Variants in PSMD1 observed in about 807,000 individuals in gnomAD.
PSMD1 encodes 26S proteasome non-ATPase regulatory subunit 1.
A neutral mutation model predicts 119.0 loss-of-function variants in PSMD1; 18 were observed. The observed-to-expected ratio is 0.15, with a 90% confidence interval of 0.10 to 0.22. The LOEUF (loss-of-function observed/expected upper bound fraction) is 0.22. Ranked by LOEUF, PSMD1 falls within the 10% of genes least tolerant of loss-of-function variation. PSMD1 has a pLI of 1.00. For missense variants in PSMD1, 702 were observed against 1,158.5 expected (o/e 0.61, Z 5.72); for synonymous variants, 374 against 396.6 (o/e 0.94, Z 0.68).
chr2:231,082,938 G>A lies in PSMD1; in HGVS notation c.1469G>A (p.Arg490His), dbSNP rs749311886. 1.1e-5 allele frequency: 17 copies of A among 1,613,998 alleles called. No homozygotes were observed. The highest frequency in any genetic ancestry group is 5.3e-5 in the African/African-American group (4 of 74,944). ...GGTTTGGCAGCCATGGGAACTGCAC[G>A]TCAAGATGTTTATGATTTGCTAAAA... Reference protein sequence around the residue: ...GLGLAAMGTARQDVYDLLKTN... With the variant: ...GLGLAAMGTAHQDVYDLLKTN... The change falls in exon 13 of 25, where the codon CGT becomes CAT. Residue 490 changes from arginine (R) to histidine (H), a missense_variant. Physicochemically the swap from Arg to His is conservative, Grantham distance 29. Around this residue, in one of 9 missense-constraint regions of PSMD1, gnomAD observed 272 missense variants for 511.6 expected, o/e 0.53. Transcript: ENST00000308696.
intron 16 of PSMD1, chr2:231,109,058 A>C (rs375739530): frequency 1.2e-6 from 2 of 1,614,106 alleles, no homozygotes; most frequent in Admixed American, 3.3e-5. Context: ...TGTTCTTCGC[A>C]TAAGTGTTTC....
intron 16 of PSMD1, among the ~76,000 whole-genome samples, chr2:231,119,790 G>T (rs1378524675): frequency 7.1e-6 from 1 of 140,816 alleles, no homozygotes; most frequent in African/African-American, 2.6e-5. Context: ...AGAATCGTTT[G>T]AACCTGTGGG....
At chr2:231,164,803 A>G (rs1459663268) in intron 21 of PSMD1, among the ~76,000 whole-genome samples, 1 of 151,266 alleles carries the variant, frequency 6.6e-6, no homozygotes, top group Non-Finnish European at 1.5e-5. Flanking sequence ...AAATTGTTCT[A>G]TTTTCCATTG....
At chr2:231,116,078 A>G (rs1362199545) in intron 16 of PSMD1, among the ~76,000 whole-genome samples, 1 of 152,182 alleles carries the variant, frequency 6.6e-6, no homozygotes, top group Non-Finnish European at 1.5e-5. Flanking sequence ...AAATTAAGTC[A>G]GAGAAACTGG....
chr2:231,080,450 T>G, intron 12 of PSMD1, 136 bp downstream of exon 12: 1 of 705,676 alleles, frequency 1.4e-6, no homozygotes, highest in South Asian at 2.5e-5. Flanking sequence ...GATTTTTTTT[T>G]TTTAGGTAAT....
chr2:231,099,751 A>G (rs895364411), intron 16 of PSMD1, among the ~76,000 whole-genome samples: 2 of 152,074 alleles, frequency 1.3e-5, no homozygotes, highest in Admixed American at 1.3e-4. Context: ...CTTTTCTGCT[A>G]CTGGAGGTTT....
chr2:231,103,298 A>AT (rs1694911784), intron 16 of PSMD1, among the ~76,000 whole-genome samples: 1 of 152,156 alleles, frequency 6.6e-6, no homozygotes, highest in African/African-American at 2.4e-5. Flanking sequence ...TCTAACTCTC[A>AT]TTTTGCCAAC....
intron 16 of PSMD1, chr2:231,133,416 G>C (rs113750370): frequency 1.3e-5 from 2 of 152,108 alleles, no homozygotes; most frequent in Non-Finnish European, 2.9e-5. Flanking sequence ...TCATAATTCT[G>C]CTAAGGGACT....
chr2:231,132,372 A>G (rs1019954160), intron 16 of PSMD1, among the ~76,000 whole-genome samples: 1 of 152,206 alleles, frequency 6.6e-6, no homozygotes, highest in Non-Finnish European at 1.5e-5. Flanking sequence ...GGGTAACTTG[A>G]TAAGTATCCT....
intron 17 of PSMD1, chr2:231,139,166 CT>C: frequency 2.7e-6 from 1 of 372,778 alleles, no homozygotes; most frequent in South Asian, 2.1e-5. Context: ...GAATTTCACT[CT>C]TTCATCCAGG....
chr2:231,101,055 T>C (rs1478194537), intron 16 of PSMD1, among the ~76,000 whole-genome samples: 2 of 152,224 alleles, frequency 1.3e-5, no homozygotes, highest in Non-Finnish European at 2.9e-5. Context: ...TTGCCGGCAC[T>C]AGGGGCTGAA....
Position 231,085,114 on chromosome 2 carries a change from T to G in PSMD1, c.1818T>G (p.Ala606=). The change falls in exon 15 of 25, where the codon GCT becomes GCG. Residue 606 remains alanine, a splice_region_variant and synonymous_variant. Transcript: ENST00000308696. ...NKAIRRLLHV[A]VSDVNDDVRR... ...CAATTCGACGCCTGCTACATGTTGC[T>G]GTAAGTACTCTGACCTTTCTTGGGA... 2 of 1,612,184 alleles carry G rather than the reference T, an allele frequency of 1.2e-6. No individual in the cohort carries two copies. The highest frequency in any genetic ancestry group is 1.7e-6 in the Non-Finnish European group (2 of 1,178,210).
chr2:231,062,466 C>A lies in PSMD1; in HGVS notation c.135-40C>A, dbSNP rs1274490805. On this transcript the variant is annotated intron_variant, in intron 3 of 24. Coordinates refer to ENST00000308696, the MANE Select transcript of PSMD1 (RefSeq NM_002807.4). ...TAGATTTGGGATTTTTAGGGAAAAC[C>A]ACAGTTTGAACTAGACCTGTACTTC... 1.9e-6 allele frequency: 3 copies of A among 1,564,268 alleles called. No homozygotes were observed. In the Admixed American group the frequency reaches 5.8e-5, roughly 30 times the overall value.
intron 16 of PSMD1, among the ~76,000 whole-genome samples, chr2:231,118,544 T>C (rs1289718493): frequency 6.6e-6 from 1 of 152,226 alleles, no homozygotes; most frequent in Non-Finnish European, 1.5e-5. Flanking sequence ...AAATAACCTG[T>C]ATGCATTGCA....
rs752653710 is a variant in PSMD1 at position 231,083,011 on chromosome 2, A to T, written c.1525+17A>T. 2 of 1,537,760 alleles carry T rather than the reference A, an allele frequency of 1.3e-6. No individual in the cohort carries two copies. The highest frequency in any genetic ancestry group is 4.5e-5 in the East Asian group (2 of 44,448). ...CAGTAACAGGTAAGCATTTCTTTCT[A>T]AAGCTAACAAGCTTAAGTATTAATT... On this transcript the variant is annotated intron_variant, in intron 13 of 24. Transcript: ENST00000308696.
Position 231,083,602 on chromosome 2 carries a change from T to C in PSMD1, c.1561T>C (p.Leu521=), listed in dbSNP as rs778435654. The C allele has an allele frequency of 4.3e-6, 7 of 1,614,212 alleles. No homozygotes were observed. The highest frequency in any genetic ancestry group is 3.3e-5 in the South Asian group (3 of 91,084). The change falls in exon 14 of 25, where the codon TTG becomes CTG. Residue 521 remains leucine, a synonymous_variant. Coordinates refer to ENST00000308696, the MANE Select transcript of PSMD1 (RefSeq NM_002807.4). ...AAGLALGLVM[L]GSKNAQAIED... Reference sequence around the variant, plus strand: ...TGGCCTGGCCCTAGGTTTGGTTATGTTGGGCTCTAAAAATGCTCAGGCTAT... The same window carrying C: ...TGGCCTGGCCCTAGGTTTGGTTATGCTGGGCTCTAAAAATGCTCAGGCTAT...
In PSMD1 at chr2:231,085,130, T is replaced by C; in HGVS notation, c.1818+16T>C. ...ACATGTTGCTGTAAGTACTCTGACCTTTCTTGGGAATGGGGTGGACGGAAA... is the reference window on the plus strand; with the variant it reads ...ACATGTTGCTGTAAGTACTCTGACCCTTCTTGGGAATGGGGTGGACGGAAA... On this transcript the variant is annotated intron_variant, in intron 15 of 24. Coordinates refer to ENST00000308696, the MANE Select transcript of PSMD1 (RefSeq NM_002807.4). 6.2e-7 allele frequency: 1 copy of C among 1,604,038 alleles called. No homozygotes were observed. Among genetic ancestry groups the C allele is most frequent in the South Asian group, 1.1e-5 (1 of 90,898 alleles).
chr2:231,085,962 T>C (rs1161588834), intron 15 of PSMD1, among the ~76,000 whole-genome samples: 2 of 152,144 alleles, frequency 1.3e-5, no homozygotes, highest in African/African-American at 2.4e-5. Context: ...TAATAAATAA[T>C]TTTTTTAGCA....
intron 19 of PSMD1, 75 bp from the exon 20 acceptor site, chr2:231,161,265 G>T: frequency 5.6e-6 from 7 of 1,246,556 alleles, no homozygotes; most frequent in Admixed American, 2.5e-5. Context: ...AAGAAAGAAA[G>T]ATATCGTTAT....
Sources: allele counts gnomAD v4.1 joint callset (sites outside exome capture counted in the v4.1 genomes callset), GRCh38; gene constraint gnomAD v4.1.1; regional missense constraint gnomAD v4.1.1; transcripts MANE v1.5; gene names NCBI Gene and HGNC (gene_info 2026-07-23, HGNC 2026-07-21).